Variants in VPS13D observed in about 807,000 individuals in gnomAD.
The protein encoded by VPS13D is intermembrane lipid transfer protein VPS13D.
Under a neutral mutation model 461.9 loss-of-function variants are expected in VPS13D, and 187 were observed. That is an observed-to-expected ratio of 0.40 (90% CI 0.36 to 0.46). The LOEUF (loss-of-function observed/expected upper bound fraction) is 0.46. Ranked by LOEUF, VPS13D falls within the 20% of genes least tolerant of loss-of-function variation. The pLI is 0.60. For missense variants in VPS13D, 4,711 were observed against 5,364.9 expected (o/e 0.88, Z 3.81); for synonymous variants, 1,951 against 1,986.3 (o/e 0.98, Z 0.47).
In VPS13D at chr1:12,308,504, T is replaced by A; in HGVS notation, c.6513T>A (p.His2171Gln). The change falls in exon 27 of 70, where the codon CAT becomes CAA. Residue 2171 changes from histidine (H) to glutamine (Q), a missense_variant. Transcript: ENST00000620676. ...QDMDIFAAER[H>Q]PREYSKAPED... is the part of the protein sequence containing the mutation. ...TGGACATCTTTGCTGCAGAGAGACA[T>A]CCGAGAGAATACTCGAAGGCACCAG... 1 of 1,614,126 alleles carries A rather than the reference T, an allele frequency of 6.2e-7. No homozygotes were observed. Among genetic ancestry groups the A allele is most frequent in the Non-Finnish European group, 8.5e-7 (1 of 1,180,004 alleles).
Position 12,291,215 on chromosome 1 carries a change from A to T in VPS13D, c.5852+91A>T, listed in dbSNP as rs571748160. On this transcript the variant is annotated intron_variant, in intron 23 of 69. Transcript: ENST00000620676. ...TGGCTAGACAATAAAGAAAACTTTT[A>T]AAAATTTTTACCTTCTTAGAGGTGA... The T allele has an allele frequency of 2.8e-6, 4 of 1,440,134 alleles. No individual in the cohort carries two copies. The Admixed American group carries it at 7.2e-5, about 26-fold the overall frequency. 89.2% of individuals were successfully genotyped at this position (1,440,134 alleles called of 1,614,324 possible). A position where few individuals can be genotyped will look rare whatever the true frequency, so the allele number is the denominator to read the frequency against.
chr1:12,369,967 T>A (rs1644094408), intron 54 of VPS13D, among the ~76,000 whole-genome samples: 1 of 152,246 alleles, frequency 6.6e-6, no homozygotes, highest in Non-Finnish European at 1.5e-5. Context: ...TTAAATTTTC[T>A]TTTTGCTATT....
chr1:12,276,748 G>A lies in VPS13D; in HGVS notation c.3160G>A (p.Asp1054Asn), dbSNP rs1641626428. ...TGGACCGAATGTGGCCCACTTAACT[G>A]ATGGAGCTACACTGAACGACCGATC... ...VSGPNVAHLT[D>N]GATLNDRSAT... The change falls in exon 19 of 70, where the codon GAT becomes AAT. Residue 1054 changes from aspartate to asparagine, a missense_variant. Physicochemically the swap from Asp to Asn is conservative, Grantham distance 23. Around this residue, in one of 3 missense-constraint regions of VPS13D, gnomAD observed 4,411 missense variants for 4,937.8 expected, o/e 0.89. Transcript: ENST00000620676. The surrounding 1 kb of genome is among the most constrained non-coding windows in gnomAD (Gnocchi z 4.5). 1.9e-6 allele frequency: 3 copies of A among 1,614,060 alleles called. No homozygotes were observed. Among genetic ancestry groups the A allele is most frequent in the Non-Finnish European group, 2.5e-6 (3 of 1,180,042 alleles).
intron 67 of VPS13D, among the ~76,000 whole-genome samples, chr1:12,489,000 A>T (rs1645840860): frequency 6.6e-6 from 1 of 152,262 alleles, no homozygotes; most frequent in Non-Finnish European, 1.5e-5. Flanking sequence ...ACTATTTTGT[A>T]AAAGCAAAGC....
At chr1:12,454,074 C>A (rs1645295947) in intron 65 of VPS13D, among the ~76,000 whole-genome samples, 1 of 152,180 alleles carries the variant, frequency 6.6e-6, no homozygotes, top group East Asian at 1.9e-4. Context: ...GTAATAAGAA[C>A]AGTAAGAATG....
chr1:12,424,668 C>A (rs1315158283), intron 65 of VPS13D, among the ~76,000 whole-genome samples: 1 of 152,152 alleles, frequency 6.6e-6, no homozygotes, highest in Non-Finnish European at 1.5e-5. Flanking sequence ...AGTGACAGAG[C>A]AGGGAATGAG....
At chr1:12,306,211 C>T (rs1263102730) in intron 26 of VPS13D, among the ~76,000 whole-genome samples, 2 of 152,122 alleles carry the variant, frequency 1.3e-5, no homozygotes. Flanking sequence ...GTCTCGATCT[C>T]CTGACCTCGT....
chr1:12,411,427 G>A (rs1644726480), intron 63 of VPS13D, among the ~76,000 whole-genome samples: 1 of 151,562 alleles, frequency 6.6e-6, no homozygotes, highest in Non-Finnish European at 1.5e-5. Flanking sequence ...GAGCCCAGGA[G>A]TTCAGGGCCA....
chr1:12,493,690 C>T lies in VPS13D; in HGVS notation c.12663-3810C>T, dbSNP rs568418804. Among the ~76,000 whole-genome samples the T allele has an allele frequency of 1.1e-4, 17 of 152,332 alleles. No individual in the cohort carries two copies. In the South Asian group the frequency reaches 1.7e-3, roughly 15 times the overall value. ...AGATGAAGAAAACAGCGTCGTCACA[C>T]AGTGGCCTGGGCTGAAGAACTTCAC... is the stretch of plus-strand genomic sequence containing the variant. On this transcript the variant is annotated intron_variant, in intron 67 of 69. Coordinates refer to ENST00000620676, the MANE Select transcript of VPS13D (RefSeq NM_015378.4).
At chr1:12,278,847 A>C (rs1296289823) in intron 19 of VPS13D, among the ~76,000 whole-genome samples, 1 of 152,188 alleles carries the variant, frequency 6.6e-6, no homozygotes, top group African/African-American at 2.4e-5. Flanking sequence ...ATAAAAGCTT[A>C]TGTTTGTATT....
chr1:12,285,859 C>T (rs1641949902), intron 21 of VPS13D, among the ~76,000 whole-genome samples: 1 of 152,174 alleles, frequency 6.6e-6, no homozygotes. Flanking sequence ...GAATACTGTG[C>T]TTTTGTAAGC....
chr1:12,269,167 T>C (rs1201700555), intron 16 of VPS13D, among the ~76,000 whole-genome samples: 1 of 152,240 alleles, frequency 6.6e-6, no homozygotes, highest in Non-Finnish European at 1.5e-5. Flanking sequence ...TATTTCATAT[T>C]GTCATTCTGA....
chr1:12,240,236 G>A (rs1640301457), intron 2 of VPS13D, among the ~76,000 whole-genome samples: 1 of 151,846 alleles, frequency 6.6e-6, no homozygotes, highest in African/African-American at 2.4e-5. Context: ...CTTTCCCAAG[G>A]TTGTACAGCT....
At chr1:12,338,131 T>C in intron 39 of VPS13D, 100 bp from the exon 40 acceptor site, 3 of 1,063,552 alleles carry the variant, frequency 2.8e-6, no homozygotes, top group Non-Finnish European at 4.3e-6. Flanking sequence ...TGCTTGCTAT[T>C]TTTGTAATGT....
rs529903300 is a variant in VPS13D at position 12,316,917 on chromosome 1, A to G, written c.7149-1155A>G. On this transcript the variant is annotated intron_variant, in intron 30 of 69. Coordinates refer to ENST00000620676, the MANE Select transcript of VPS13D (RefSeq NM_015378.4). ...GGGCCTGGATGAAGCCCCTGACTGCATCATGGTTTGAAGTCAGGCCTGAGA... is the reference window on the plus strand; with the variant it reads ...GGGCCTGGATGAAGCCCCTGACTGCGTCATGGTTTGAAGTCAGGCCTGAGA... 1.4e-3 allele frequency among the ~76,000 whole-genome samples: 212 copies of G among 152,200 alleles called. 1 individual carries two copies. Among genetic ancestry groups the G allele is most frequent in the African/African-American group, 4.6e-3 (193 of 41,516 alleles).
intron 5 of VPS13D, among the ~76,000 whole-genome samples, chr1:12,246,919 A>T (rs1237099738): frequency 6.6e-6 from 1 of 152,166 alleles, no homozygotes; most frequent in Non-Finnish European, 1.5e-5. Flanking sequence ...TTTTGCTATT[A>T]CGAATAATAT....
At chr1:12,280,182 G>A (rs1363321362) in intron 20 of VPS13D, among the ~76,000 whole-genome samples, 1 of 152,000 alleles carries the variant, frequency 6.6e-6, no homozygotes, top group Non-Finnish European at 1.5e-5. Flanking sequence ...TCACAGGGAC[G>A]AGAGCAAAGA....
intron 24 of VPS13D, among the ~76,000 whole-genome samples, chr1:12,295,628 T>A (rs1053212577): frequency 2.0e-5 from 3 of 152,250 alleles, no homozygotes; most frequent in African/African-American, 7.2e-5. Flanking sequence ...GCTCATGGAA[T>A]ATATAACCTT....
In VPS13D at chr1:12,279,517, A is replaced by G; in HGVS notation, c.4469A>G (p.Asn1490Ser). ...ATGCCAGCTTTTCACATCCTGAACA[A>G]CACCACCATTCAGTTTAAACTGGAG... ...HRGQAFHILN[N>S]TTIQFKLEKI... is the part of the protein sequence containing the mutation. The change falls in exon 20 of 70, where the codon AAC becomes AGC. Residue 1490 changes from asparagine to serine, a missense_variant. Physicochemically the swap from Asn to Ser is conservative, Grantham distance 46 (BLOSUM62 1). This residue lies in a region of VPS13D where 4,411 missense variants were observed against 4,937.8 expected (regional missense o/e 0.89). Coordinates refer to ENST00000620676, the MANE Select transcript of VPS13D (RefSeq NM_015378.4). This position sits in a 1 kb window ranked among gnomAD's most constrained non-coding sequence, Gnocchi z 4.3. 5 of 1,601,346 alleles carry G rather than the reference A, an allele frequency of 3.1e-6. No homozygotes were observed. The highest frequency in any genetic ancestry group is 4.3e-6 in the Non-Finnish European group (5 of 1,171,384).
Sources: allele counts gnomAD v4.1 joint callset (sites outside exome capture counted in the v4.1 genomes callset), GRCh38; gene constraint gnomAD v4.1.1; regional missense constraint gnomAD v4.1.1; non-coding constraint Gnocchi (gnomAD v3.1); transcripts MANE v1.5; gene names NCBI Gene and HGNC (gene_info 2026-07-23, HGNC 2026-07-21).